The following PKHD1L1 variants were observed in gnomAD, a reference collection of about 807,000 sequenced individuals.
PKHD1L1 encodes the protein PKHD1 like 1, also known as fibrocystin-L.
A neutral mutation model predicts 462.9 loss-of-function variants in PKHD1L1; 434 were observed. The ratio of observed to expected loss-of-function variants is 0.94; its 90% confidence interval spans 0.87 to 1.02. The LOEUF is 1.02. PKHD1L1 is among the 50% of genes least tolerant of loss of function. The pLI is 0.00. For missense variants in PKHD1L1, 5,202 were observed against 5,096.1 expected, an observed-to-expected ratio of 1.02 and a Z score of -0.63; for synonymous variants, 1,781 against 1,750.0, an observed-to-expected ratio of 1.02 and a Z score of -0.44.
intron 29 of PKHD1L1, among the ~76,000 whole-genome samples, chr8:109,436,008 G>T (rs1815387081): frequency 6.6e-6 from 1 of 152,212 alleles, no homozygotes; most frequent in Non-Finnish European, 1.5e-5. Context: ...TGAGTGAATA[G>T]AAGCAGCATA....
At chr8:109,477,801 T>C (rs1380693812) in intron 53 of PKHD1L1, among the ~76,000 whole-genome samples, 2 of 152,218 alleles carry the variant, frequency 1.3e-5, no homozygotes, top group Admixed American at 6.5e-5. Flanking sequence ...TAGCAGGTGC[T>C]GTCTCTAGAA....
rs1384371401 is a variant in PKHD1L1 at position 109,450,948 on chromosome 8, G to C, written c.6176-27G>C. On this transcript the variant is annotated intron_variant, in intron 40 of 77. Coordinates refer to ENST00000378402, the MANE Select transcript of PKHD1L1 (RefSeq NM_177531.6). ...TGAATCAGGGCCCGATGGCAGAACT[G>C]CATTCAGTCTGATCTTCCTTTCATA... is the stretch of plus-strand genomic sequence containing the variant. 3.2e-6 allele frequency: 5 copies of C among 1,568,486 alleles called. No individual in the cohort carries two copies. In the African/African-American group the frequency reaches 5.4e-5, roughly 17 times the overall value.
intron 10 of PKHD1L1, among the ~76,000 whole-genome samples, chr8:109,395,640 C>T (rs1426503709): frequency 6.6e-6 from 1 of 152,116 alleles, no homozygotes; most frequent in African/African-American, 2.4e-5. Flanking sequence ...ATGTGTTACT[C>T]TAAAAGAAAA....
chr8:109,502,199 T>C (rs905572490), intron 67 of PKHD1L1, among the ~76,000 whole-genome samples: 1 of 152,192 alleles, frequency 6.6e-6, no homozygotes, highest in South Asian at 2.1e-4. Flanking sequence ...GACCTGCATT[T>C]TTCTCACAAC....
intron 77 of PKHD1L1, among the ~76,000 whole-genome samples, chr8:109,528,816 T>A (rs1052565734): frequency 6.6e-6 from 1 of 152,162 alleles, no homozygotes; most frequent in Non-Finnish European, 1.5e-5. Context: ...AAAAATCTGG[T>A]TTAATTGATT....
At chr8:109,473,140 A>C (rs1173529600) in intron 50 of PKHD1L1, among the ~76,000 whole-genome samples, 1 of 152,182 alleles carries the variant, frequency 6.6e-6, no homozygotes, top group African/African-American at 2.4e-5. Context: ...ACACAACTTA[A>C]AAAAATGGAA....
At chr8:109,459,857 G>C (rs367701573) in intron 47 of PKHD1L1, 21 bp downstream of exon 47, 48 of 1,598,582 alleles carry the variant, frequency 3.0e-5, no homozygotes, top group Non-Finnish European at 4.1e-5. Context: ...CAGCTCTCGT[G>C]GTTGGTATAA....
At position 109,491,019 on chromosome 8, in the gene PKHD1L1, T is replaced by C; in HGVS notation, c.10032T>C (p.His3344=). The C allele has an allele frequency of 1.2e-6, 2 of 1,609,724 alleles. No individual in the cohort carries two copies. Among genetic ancestry groups the C allele is most frequent in the South Asian group, 1.1e-5 (1 of 90,850 alleles). Residue 3344 remains histidine, a synonymous_variant, in exon 61 of 78, where the codon CAT becomes CAC. Coordinates refer to ENST00000378402, the MANE Select transcript of PKHD1L1 (RefSeq NM_177531.6). ...ATATTCGAGGCTGTGCTTTTCACCA[T>C]GGCTTCTCTCCAGCAATTGGTGTAT... ...SSYIRGCAFH[H]GFSPAIGVFG... is the part of the protein sequence containing the mutation.
chr8:109,526,690 T>C (rs1209020182), intron 76 of PKHD1L1, 94 bp from the exon 77 acceptor site: 27 of 1,033,582 alleles, frequency 2.6e-5, no homozygotes, highest in Non-Finnish European at 3.4e-5. Flanking sequence ...AGGATCTATA[T>C]AGTGTTTTTC....
rs746822975 is a variant in PKHD1L1, at chr8:109,481,420, T to C, written c.9328-13T>C. 8.9e-6 allele frequency: 14 copies of C among 1,567,278 alleles called. 1 individual carries two copies. In the South Asian group the frequency reaches 1.7e-4, roughly 19 times the overall value. On this transcript the variant is annotated splice_polypyrimidine_tract_variant and intron_variant, in intron 55 of 77. Transcript: ENST00000378402. ...CAATTTTTAAGTATTAACAATTTTC[T>C]GCTTCATTTCAGGGAGGTAGATTAA...
At chr8:109,529,144 T>C (rs1200302835) in intron 77 of PKHD1L1, among the ~76,000 whole-genome samples, 1 of 152,150 alleles carries the variant, frequency 6.6e-6, no homozygotes, top group Non-Finnish European at 1.5e-5. Flanking sequence ...GGTCTGGAAG[T>C]GACAAAACAA....
intron 71 of PKHD1L1, among the ~76,000 whole-genome samples, chr8:109,512,289 G>T (rs903438234): frequency 1.3e-5 from 2 of 151,832 alleles, no homozygotes; most frequent in Non-Finnish European, 2.9e-5. Context: ...GTCCTGAATG[G>T]TAATGCCTAG....
At position 109,461,831 on chromosome 8, in the gene PKHD1L1, C is replaced by T. The variant is rs771917225; in HGVS notation, c.7306C>T (p.Gln2436Ter). The T allele has an allele frequency of 2.5e-6, 4 of 1,607,892 alleles. No individual in the cohort carries two copies. The highest frequency in any genetic ancestry group is 2.2e-5 in the South Asian group (2 of 89,604). ...GTTTGGAGAAGAAATAGGAAGTGAC[C>T]AATTTGGAGGCTGCGTTATGTTTCA... ...GKFGEEIGSD[Q>*]FGGCVMFHAP... Residue 2436 changes from glutamine (Q) to a stop codon, truncating the protein, a stop_gained, in exon 48 of 78, where the codon CAA (glutamine) becomes TAA (stop). Coordinates refer to ENST00000378402, the MANE Select transcript of PKHD1L1 (RefSeq NM_177531.6). LOFTEE classifies it high-confidence loss of function.
chr8:109,441,164 T>A (rs1048117373), intron 33 of PKHD1L1, 111 bp from the exon 34 acceptor site: 1 of 757,764 alleles, frequency 1.3e-6, no homozygotes, highest in Non-Finnish European at 2.1e-6. Context: ...AAGGCAGAGT[T>A]TTTTTTAGGG....
In PKHD1L1 at chr8:109,391,430, C is replaced by A. The variant is rs758743029; in HGVS notation, c.740+936C>A. Among the ~76,000 whole-genome samples, 6 of 152,122 alleles carry A rather than the reference C, an allele frequency of 3.9e-5. 1 individual carries two copies. The highest frequency in any genetic ancestry group is 2.4e-5 in the African/African-American group (1 of 41,416). ...CCTGATCCAGGATTTCATACCATAG[C>A]AGGATTTCCCCACTCTTGGGAGCAT... is the stretch of plus-strand genomic sequence containing the variant. On this transcript the variant is annotated intron_variant, in intron 9 of 77. Coordinates refer to ENST00000378402, the MANE Select transcript of PKHD1L1 (RefSeq NM_177531.6).
chr8:109,385,671 A>C, intron 6 of PKHD1L1, 41 bp downstream of exon 6: 1 of 1,254,356 alleles, frequency 8.0e-7, no homozygotes. Flanking sequence ...TAACTCATAA[A>C]TGAGAAGTAA....
intron 72 of PKHD1L1, among the ~76,000 whole-genome samples, chr8:109,517,432 C>T (rs1327405674): frequency 6.6e-6 from 1 of 152,132 alleles, no homozygotes; most frequent in Non-Finnish European, 1.5e-5. Context: ...TCTCATTCCA[C>T]CACTATTACA....
chr8:109,487,890 G>GGAAGGAAGGAAGGAAGGAAGGAAGGA (rs1554589552), intron 59 of PKHD1L1, among the ~76,000 whole-genome samples: 18 of 69,322 alleles, frequency 2.6e-4, no homozygotes, highest in Admixed American at 6.6e-4. Context: ...GAGAGAGAGA[G>GGAAGGAAGGAAGGAAGGAAGGAAGGA]AGGAAGGAAG....
In PKHD1L1 at chr8:109,491,991, T is replaced by C; in HGVS notation, c.10233T>C (p.Ile3411=). 1 of 1,522,584 alleles carries C rather than the reference T, an allele frequency of 6.6e-7. No individual in the cohort carries two copies. The highest frequency in any genetic ancestry group is 2.1e-5 in the Admixed American group (1 of 48,666). 94.3% of individuals were successfully genotyped at this position (1,522,584 alleles called of 1,614,324 possible). ...DLSSTLWHAA[I]EINRGTNTVL... The stretch of plus-strand genomic sequence containing the variant: ...GTTCAACTCTCTGGCATGCAGCAAT[T>C]GAGGTAGTGAAAACAAACTTATAAT... The change falls in exon 62 of 78, where the codon ATT becomes ATC. Residue 3411 remains isoleucine, a synonymous_variant. Transcript: ENST00000378402.
Sources: allele counts gnomAD v4.1 joint callset (sites outside exome capture counted in the v4.1 genomes callset), GRCh38; gene constraint gnomAD v4.1.1; transcripts MANE v1.5; gene names NCBI Gene and HGNC (gene_info 2026-07-23, HGNC 2026-07-21).